The following USP44 variants were observed in gnomAD, a reference collection of about 807,000 sequenced individuals.
The protein encoded by USP44 is ubiquitin carboxyl-terminal hydrolase 44.
A neutral mutation model predicts 69.0 loss-of-function variants in USP44; 61 were observed. The ratio of observed to expected loss-of-function variants is 0.88; its 90% confidence interval spans 0.72 to 1.09. The LOEUF is 1.09. USP44 is among the 50% of genes least tolerant of loss of function. The probability of loss-of-function intolerance (pLI) is 0.00; values close to 1 mark genes in which losing one functional copy is unlikely to be tolerated. For missense variants in USP44, 753 were observed against 849.9 expected (o/e 0.89, Z 1.42); for synonymous variants, 297 against 295.4 (o/e 1.01, Z -0.06).
At chr12:95,521,807 C>T (rs1014295037) in intron 4 of USP44, among the ~76,000 whole-genome samples, 1 of 152,054 alleles carries the variant, frequency 6.6e-6, no homozygotes, top group African/African-American at 2.4e-5. Flanking sequence ...GTTTTTAATT[C>T]CTTACTGTCT....
intron 1 of USP44, among the ~76,000 whole-genome samples, chr12:95,546,162 A>G (rs2077563869): frequency 6.6e-6 from 1 of 152,234 alleles, no homozygotes; most frequent in South Asian, 2.1e-4. Context: ...ACATCAATCT[A>G]CCGCAGCTAA....
intron 1 of USP44, among the ~76,000 whole-genome samples, chr12:95,544,680 CA>C (rs2077515119): frequency 6.6e-6 from 1 of 151,570 alleles, no homozygotes; most frequent in Non-Finnish European, 1.5e-5. Flanking sequence ...AGGGAAATGG[CA>C]AAAATACATT....
chr12:95,542,342 A>C (rs1400830244), intron 1 of USP44, among the ~76,000 whole-genome samples: 2 of 152,170 alleles, frequency 1.3e-5, no homozygotes, highest in Non-Finnish European at 2.9e-5. Flanking sequence ...TCATCTTTTA[A>C]CCTAAAAATT....
intron 2 of USP44, among the ~76,000 whole-genome samples, chr12:95,531,972 T>C (rs916820250): frequency 8.5e-5 from 13 of 152,160 alleles, no homozygotes; most frequent in Non-Finnish European, 1.8e-4. Context: ...AAGGAAACTT[T>C]TGAGTAGTAA....
Position 95,532,824 on chromosome 12 carries a change from C to A in USP44, c.1428+5G>T. 1 of 1,564,224 alleles carries A rather than the reference C, an allele frequency of 6.4e-7. No individual in the cohort carries two copies. The highest frequency in any genetic ancestry group is 1.2e-5 in the South Asian group (1 of 81,446). On this transcript the variant is annotated splice_donor_5th_base_variant and intron_variant, in intron 2 of 5. Transcript: ENST00000258499. Reference sequence around the variant, plus strand: ...GATGAAAATAAGATTCTTAAAAATCCATACCTGACTAAGAAGTTGTCCATG... The same window carrying A: ...GATGAAAATAAGATTCTTAAAAATCAATACCTGACTAAGAAGTTGTCCATG...
chr12:95,528,052 T>A (rs2076906894), intron 3 of USP44, among the ~76,000 whole-genome samples: 1 of 152,106 alleles, frequency 6.6e-6, no homozygotes, highest in African/African-American at 2.4e-5. Context: ...TTGGCCAGGC[T>A]GGGCTTGAAC....
At chr12:95,543,066 T>G (rs1267619892) in intron 1 of USP44, among the ~76,000 whole-genome samples, 1 of 147,434 alleles carries the variant, frequency 6.8e-6, no homozygotes, top group African/African-American at 2.5e-5. Flanking sequence ...CCAGCCTGGG[T>G]GACAGAAGGA....
At position 95,521,106 on chromosome 12, in the gene USP44, T is replaced by G; in HGVS notation, c.1830A>C (p.Lys610Asn). ...MEPYCCRETL[K>N]SLRPECFIYD... is the part of the protein sequence containing the mutation. ...AGATAAAGCATTCTGGTCTGAGGGA[T>G]TTCAGGGTCTCCCTGCAGCAATAGG... Residue 610 changes from lysine (K) to asparagine (N), a missense_variant, in exon 5 of 6, where the codon AAA (lysine) becomes AAC (asparagine). By Grantham distance (94) the Lys-to-Asn change is moderately conservative. Transcript: ENST00000258499. 6.2e-7 allele frequency: 1 copy of G among 1,614,206 alleles called. No homozygotes were observed. Among genetic ancestry groups the G allele is most frequent in the Non-Finnish European group, 8.5e-7 (1 of 1,180,042 alleles).
intron 1 of USP44, chr12:95,546,495 T>C (rs1175187926): frequency 2.6e-5 from 4 of 152,208 alleles, no homozygotes; most frequent in Non-Finnish European, 5.9e-5. Context: ...TTGTCACCTA[T>C]TTAGGCTGGG....
intron 1 of USP44, among the ~76,000 whole-genome samples, chr12:95,539,689 C>T (rs1371131189): frequency 1.3e-5 from 2 of 152,180 alleles, no homozygotes; most frequent in Non-Finnish European, 2.9e-5. Context: ...ACTTTTCACA[C>T]CTATGACTGA....
chr12:95,520,948 T>A (rs1369607283), intron 5 of USP44, 49 bp downstream of exon 5: 1 of 1,567,058 alleles, frequency 6.4e-7, no homozygotes, highest in South Asian at 1.1e-5. Context: ...AAGCCTGAAC[T>A]CCAGCCTCCA....
At chr12:95,539,394 T>A (rs934118955) in intron 1 of USP44, among the ~76,000 whole-genome samples, 1 of 152,030 alleles carries the variant, frequency 6.6e-6, no homozygotes, top group Non-Finnish European at 1.5e-5. Flanking sequence ...CCCAGCTAAT[T>A]TTTCTGTATT....
rs144644799 is a variant in USP44, at chr12:95,528,175, C to T, written c.1624+632G>A. Among the ~76,000 whole-genome samples, 1,408 of 152,284 alleles carry T rather than the reference C, an allele frequency of 9.2e-3. 28 individuals are homozygous for T. The highest frequency in any genetic ancestry group is 0.032 in the African/African-American group (1,349 of 41,552). On this transcript the variant is annotated intron_variant, in intron 3 of 5. Transcript: ENST00000258499. ...TCTTTTAACTGAAGTGGCTGTTTCA[C>T]CCCCAGTGTCAGGTTCCTGTGCTCT...
intron 4 of USP44, among the ~76,000 whole-genome samples, chr12:95,521,611 C>T (rs2140216557): frequency 6.6e-6 from 1 of 152,180 alleles, no homozygotes; most frequent in East Asian, 1.9e-4. Context: ...AAGCCATTTT[C>T]CTGCTGGGAC....
chr12:95,541,133 G>A (rs749611176), intron 1 of USP44, among the ~76,000 whole-genome samples: 12 of 152,140 alleles, frequency 7.9e-5, no homozygotes, highest in Non-Finnish European at 1.6e-4. Context: ...CAAAAAATTA[G>A]CCGGGCATGG....
chr12:95,526,587 A>T (rs1209231320), intron 3 of USP44, among the ~76,000 whole-genome samples: 1 of 152,162 alleles, frequency 6.6e-6, no homozygotes, highest in Non-Finnish European at 1.5e-5. Context: ...AACAACAAAA[A>T]AAAACCTTAT....
At chr12:95,523,579 G>A (rs1002361018) in intron 4 of USP44, among the ~76,000 whole-genome samples, 3 of 151,770 alleles carry the variant, frequency 2.0e-5, no homozygotes, top group East Asian at 3.9e-4. Context: ...AGCCAGGTGC[G>A]GTGGCTCACG....
In USP44 at chr12:95,518,160, A is replaced by C; in HGVS notation, c.2133T>G (p.Leu711=). 6.2e-7 allele frequency: 1 copy of C among 1,614,164 alleles called. No homozygotes were observed. The highest frequency in any genetic ancestry group is 8.5e-7 in the Non-Finnish European group (1 of 1,180,008). Residue 711 remains leucine (L), a synonymous_variant, in exon 6 of 6, where the codon CTT becomes CTG. Coordinates refer to ENST00000258499, the MANE Select transcript of USP44 (RefSeq NM_032147.5). ...AAACCCCATTGTCTTTGGATCAGCT[A>C]AGGATTTCATTAGACGAGGTATCAG... ...EDADTSSNEI[L]S is the part of the protein sequence containing the mutation.
chr12:95,534,359 G>C, intron 1 of USP44, 33 bp from the exon 2 acceptor site: 1 of 1,114,480 alleles, frequency 9.0e-7, no homozygotes, highest in Non-Finnish European at 1.3e-6. Flanking sequence ...TTAATAACAA[G>C]ATGCTAATAT....
Sources: gnomAD v4.1 joint callset for allele counts (sites outside exome capture counted in the v4.1 genomes callset) on GRCh38, gnomAD v4.1.1 for gene constraint, MANE v1.5 for transcripts, NCBI Gene and HGNC (gene_info 2026-07-23, HGNC 2026-07-21) for gene names.